The following LRRK2 variants were observed in gnomAD, a reference collection of about 807,000 sequenced individuals.
LRRK2 encodes the protein leucine-rich repeat serine/threonine-protein kinase 2.
LRRK2 carries 203 observed loss-of-function variants against 302.6 expected under a neutral mutation model. The ratio of observed to expected loss-of-function variants is 0.67; its 90% confidence interval spans 0.60 to 0.75. The LOEUF is 0.75. Among genes scored for constraint, LRRK2 ranks in the 30% least tolerant of loss-of-function variants. LRRK2 has a pLI of 0.00. For missense variants in LRRK2, 2,830 were observed against 2,951.0 expected, an observed-to-expected ratio of 0.96 and a Z score of 0.95; for synonymous variants, 1,066 against 1,031.9, an observed-to-expected ratio of 1.03 and a Z score of -0.63.
intron 37 of LRRK2, 39 bp downstream of exon 37, chr12:40,322,549 C>A (rs780623967): frequency 1.3e-6 from 2 of 1,536,706 alleles, no homozygotes; most frequent in Non-Finnish European, 1.8e-6. Context: ...TTTAAGTGAT[C>A]CTTCAATACT....
chr12:40,265,865 G>A (rs1367661093), intron 14 of LRRK2, among the ~76,000 whole-genome samples: 1 of 152,092 alleles, frequency 6.6e-6, no homozygotes. Flanking sequence ...ACAACCATCT[G>A]ATCTTTGACA....
chr12:40,362,076 G>GT (rs1436399146), intron 47 of LRRK2, among the ~76,000 whole-genome samples: 8 of 152,034 alleles, frequency 5.3e-5, no homozygotes, highest in Non-Finnish European at 8.8e-5. Context: ...CATATTTTAT[G>GT]TTTTTTTATT....
At chr12:40,351,963 T>C (rs954646396) in intron 44 of LRRK2, among the ~76,000 whole-genome samples, 1 of 152,084 alleles carries the variant, frequency 6.6e-6, no homozygotes, top group African/African-American at 2.4e-5. Context: ...ACAAGTGATT[T>C]AAGGAAAGAG....
chr12:40,320,357 A>G (rs1407548745), intron 34 of LRRK2, among the ~76,000 whole-genome samples, 182 bp downstream of exon 34: 1 of 152,104 alleles, frequency 6.6e-6, no homozygotes, highest in African/African-American at 2.4e-5. Context: ...CTGACACTTT[A>G]ACAATATAGT....
intron 7 of LRRK2, among the ~76,000 whole-genome samples, chr12:40,244,185 T>C (rs1432865448): frequency 6.6e-6 from 1 of 152,182 alleles, no homozygotes; most frequent in African/African-American, 2.4e-5. Context: ...TGTTTACAAA[T>C]CTTTTGTTTA....
At chr12:40,269,362 A>G (rs1943143522) in intron 14 of LRRK2, among the ~76,000 whole-genome samples, 1 of 152,114 alleles carries the variant, frequency 6.6e-6, no homozygotes, top group Non-Finnish European at 1.5e-5. Context: ...GCATGTGACT[A>G]ATTTTGGTCA....
intron 24 of LRRK2, among the ~76,000 whole-genome samples, chr12:40,298,854 ACC>A (rs1944503351): frequency 8.5e-6 from 1 of 118,276 alleles, no homozygotes; most frequent in Non-Finnish European, 1.7e-5. Flanking sequence ...TATATATAAT[ACC>A]TATATATTAT....
intron 18 of LRRK2, among the ~76,000 whole-genome samples, chr12:40,280,231 A>C (rs1943629769): frequency 6.6e-6 from 1 of 152,178 alleles, no homozygotes; most frequent in African/African-American, 2.4e-5. Context: ...TGGGAGGATC[A>C]CTTGAGCCAG....
chr12:40,253,518 T>C (rs940899105), intron 11 of LRRK2, among the ~76,000 whole-genome samples: 5 of 152,168 alleles, frequency 3.3e-5, no homozygotes, highest in African/African-American at 1.2e-4. Context: ...CCTGAGTATC[T>C]GGGACTACAG....
At chr12:40,243,007 A>G (rs1213872228) in intron 6 of LRRK2, among the ~76,000 whole-genome samples, 1 of 151,164 alleles carries the variant, frequency 6.6e-6, no homozygotes, top group Non-Finnish European at 1.5e-5. Flanking sequence ...AATATGTTAC[A>G]TTATTGTCCC....
chr12:40,238,363 C>T (rs1183520390), intron 5 of LRRK2, among the ~76,000 whole-genome samples: 4 of 152,014 alleles, frequency 2.6e-5, no homozygotes, highest in African/African-American at 9.7e-5. Flanking sequence ...ATAAGGTTTA[C>T]TTTGAAAACT....
intron 20 of LRRK2, 78 bp downstream of exon 20, chr12:40,287,617 C>T: frequency 2.8e-6 from 4 of 1,418,278 alleles, no homozygotes; most frequent in Non-Finnish European, 3.9e-6. Context: ...AGACAAAAAC[C>T]TGACCTAAAT....
At chr12:40,310,931 G>A (rs1592270985) in intron 31 of LRRK2, among the ~76,000 whole-genome samples, 2 of 152,244 alleles carry the variant, frequency 1.3e-5, no homozygotes, top group East Asian at 3.9e-4. Context: ...CTGAGAAAAT[G>A]TTTTTGATGC....
intron 30 of LRRK2, 149 bp downstream of exon 30, chr12:40,309,382 G>A: frequency 1.9e-6 from 2 of 1,034,606 alleles, no homozygotes; most frequent in Non-Finnish European, 2.7e-6. Context: ...ATTTTGAATT[G>A]GGAAACTTTC....
In LRRK2 at chr12:40,225,022, G is replaced by T. The variant is rs1404150237; in HGVS notation, c.-110G>T. The T allele has an allele frequency of 7.1e-7, 1 of 1,414,110 alleles. No homozygotes were observed. Among genetic ancestry groups the T allele is most frequent in the South Asian group, 1.2e-5 (1 of 82,998 alleles). The allele number at this position is 1,414,110 out of a possible 1,614,324, so 87.6% of individuals were successfully genotyped here. A position where few individuals can be genotyped will look rare whatever the true frequency, so the allele number is the denominator to read the frequency against. ...GGGGCCCGCGGGGAGCGCTGGCTGC[G>T]GGCGGTGAGCTGAGCTCGCCCCCGG... On this transcript the variant is annotated 5_prime_UTR_variant, in exon 1 of 51. Transcript: ENST00000298910.
rs748046468 is a variant in LRRK2 at position 40,367,024 on chromosome 12, T to A, written c.7409T>A (p.Met2470Lys). The A allele has an allele frequency of 3.1e-6, 5 of 1,609,544 alleles. No individual in the cohort carries two copies. The highest frequency in any genetic ancestry group is 4.2e-6 in the Non-Finnish European group (5 of 1,176,912). The stretch of plus-strand genomic sequence containing the variant: ...TGTAAAGGAAGCCTTAAAAATGTCA[T>A]GCTGGTATTGGGCTACAACCGGAAA... ...TAQLGSLKNV[M>K]LVLGYNRKNT... Residue 2470 changes from methionine (M) to lysine (K), a missense_variant, in exon 50 of 51, where the codon ATG (methionine) becomes AAG (lysine). This residue lies in a region of LRRK2 where 456 missense variants were observed against 456.3 expected (regional missense o/e 1.00). Coordinates refer to ENST00000298910, the MANE Select transcript of LRRK2 (RefSeq NM_198578.4).
In LRRK2 at chr12:40,240,553, T is replaced by G. The variant is rs754547635; in HGVS notation, c.642T>G (p.Asn214Lys). The G allele has an allele frequency of 6.2e-7, 1 of 1,613,302 alleles. No homozygotes were observed. The highest frequency in any genetic ancestry group is 1.1e-5 in the South Asian group (1 of 91,056). The change falls in exon 6 of 51, where the codon AAT becomes AAG. Residue 214 changes from asparagine to lysine, a missense_variant. This residue lies in a region of LRRK2 where 2,121 missense variants were observed against 2,148.0 expected (regional missense o/e 0.99). Transcript: ENST00000298910. ...TGATATTGTTAAGTGCGTTAACAAA[T>G]TTTAAAGATGAAGAGGAAATTGTGC... ...DYMILLSALT[N>K]FKDEEEIVLH...
In LRRK2 at chr12:40,284,099, T is replaced by C. The variant is rs1943816291; in HGVS notation, c.2466T>C (p.Phe822=). 6.2e-7 allele frequency: 1 copy of C among 1,612,246 alleles called. No homozygotes were observed. Among genetic ancestry groups the C allele is most frequent in the South Asian group, 1.1e-5 (1 of 90,812 alleles). ...KVEPSWLGPL[F]PDKTSNLRKQ... is the part of the protein sequence containing the mutation. ...AACCTTCTTGGCTTGGTCCTTTATT[T>C]CCAGATAAGACTTCTAATTTAAGGA... The change falls in exon 19 of 51, where the codon TTT becomes TTC. Residue 822 remains phenylalanine, a synonymous_variant. Coordinates refer to ENST00000298910, the MANE Select transcript of LRRK2 (RefSeq NM_198578.4).
chr12:40,265,824 A>G (rs1426525973), intron 14 of LRRK2, among the ~76,000 whole-genome samples: 1 of 152,312 alleles, frequency 6.6e-6, no homozygotes, highest in East Asian at 1.9e-4. Flanking sequence ...ATGGAACAGA[A>G]CAGAGCCCTC....
Sources: allele counts gnomAD v4.1 joint callset (sites outside exome capture counted in the v4.1 genomes callset), GRCh38; gene constraint gnomAD v4.1.1; regional missense constraint gnomAD v4.1.1; transcripts MANE v1.5; gene names NCBI Gene and HGNC (gene_info 2026-07-23, HGNC 2026-07-21).